HECW2: variants seen among roughly 807,000 people sequenced by gnomAD.
The protein encoded by HECW2 is E3 ubiquitin-protein ligase HECW2.
Under a neutral mutation model 175.2 loss-of-function variants are expected in HECW2, and 61 were observed. The observed-to-expected ratio is 0.35, with a 90% CI of 0.28 to 0.43. The LOEUF is 0.43. Ranked by LOEUF, HECW2 falls within the 20% of genes least tolerant of loss-of-function variation. The pLI, the probability that HECW2 is intolerant of heterozygous loss-of-function variation, is 1.00. For missense variants in HECW2, 1,524 were observed against 2,000.5 expected, an observed-to-expected ratio of 0.76 and a Z score of 4.54; for synonymous variants, 671 against 731.0, an observed-to-expected ratio of 0.92 and a Z score of 1.32.
At chr2:196,498,687 T>C (rs1472370718) in intron 1 of HECW2, among the ~76,000 whole-genome samples, 1 of 152,212 alleles carries the variant, frequency 6.6e-6, no homozygotes, top group Non-Finnish European at 1.5e-5. Flanking sequence ...AGGGTTAGTT[T>C]ACGGTAGAGG....
rs1692511695 is a variant in HECW2 at position 196,335,290 on chromosome 2, A to G, written c.401-772T>C. On this transcript the variant is annotated intron_variant, in intron 3 of 28. Transcript: ENST00000644978. ...TTATGGTTTTTGGAAAGTAACTACA[A>G]TTCCAAAGCACGAAACCAAACTGTG... Among the ~76,000 whole-genome samples, 11 of 152,320 alleles carry G rather than the reference A, an allele frequency of 7.2e-5. 1 individual carries two copies. Among genetic ancestry groups the G allele is most frequent in the Admixed American group, 7.2e-4 (11 of 15,296 alleles).
chr2:196,240,706 A>G (rs1322639898), intron 20 of HECW2, 144 bp from the exon 21 acceptor site: 11 of 824,852 alleles, frequency 1.3e-5, no homozygotes, highest in Non-Finnish European at 1.9e-5. Flanking sequence ...TCTGCAATAA[A>G]GTACACATTT....
chr2:196,548,663 G>C (rs908773047), intron 1 of HECW2, among the ~76,000 whole-genome samples: 1 of 152,130 alleles, frequency 6.6e-6, no homozygotes, highest in African/African-American at 2.4e-5. Context: ...TACTTTACTG[G>C]GACTGCCATA....
At chr2:196,535,878 G>T (rs1008893526) in intron 1 of HECW2, among the ~76,000 whole-genome samples, 2 of 152,054 alleles carry the variant, frequency 1.3e-5, no homozygotes, top group African/African-American at 4.8e-5. Context: ...TGCCTGAGAT[G>T]TCATCAATTA....
At chr2:196,373,043 T>G (rs940465497) in intron 2 of HECW2, among the ~76,000 whole-genome samples, 10 of 152,210 alleles carry the variant, frequency 6.6e-5, no homozygotes, top group Admixed American at 5.9e-4. Context: ...GAGTCCACGC[T>G]TGCTGCAGTA....
intron 1 of HECW2, among the ~76,000 whole-genome samples, chr2:196,565,478 G>T (rs889089385): frequency 6.6e-6 from 1 of 152,118 alleles, no homozygotes; most frequent in Non-Finnish European, 1.5e-5. Flanking sequence ...TGAAAGTGGG[G>T]AATAGATGAA....
chr2:196,390,798 A>C (rs1221676046), intron 2 of HECW2, among the ~76,000 whole-genome samples: 1 of 152,222 alleles, frequency 6.6e-6, no homozygotes, highest in Admixed American at 6.6e-5. Context: ...GTAGATTAAG[A>C]CATCACAACA....
chr2:196,378,061 C>G (rs1694100958), intron 2 of HECW2, among the ~76,000 whole-genome samples: 1 of 152,204 alleles, frequency 6.6e-6, no homozygotes, highest in Non-Finnish European at 1.5e-5. Context: ...AAAATCACAA[C>G]TGTCTCCTCT....
chr2:196,474,006 A>G (rs1208550947), intron 1 of HECW2, among the ~76,000 whole-genome samples: 1 of 152,254 alleles, frequency 6.6e-6, no homozygotes, highest in Non-Finnish European at 1.5e-5. Flanking sequence ...GCAGAAAAGA[A>G]AACTCTGTTT....
rs1191384862 is a variant in HECW2 at position 196,302,401 on chromosome 2, TC to T, written c.2814+4086del. ...TTAGGATTGTCTTGACTATTCAGGC[TC>T]TTTTTTGGTTCTATATGAATTTTAA... On this transcript the variant is annotated intron_variant, in intron 13 of 28. Transcript: ENST00000644978. 7.2e-5 allele frequency among the ~76,000 whole-genome samples: 11 copies of T among 152,338 alleles called. No individual in the cohort carries two copies. The East Asian group carries it at 2.1e-3, about 29-fold the overall frequency.
chr2:196,468,762 A>C (rs774568386), intron 1 of HECW2, among the ~76,000 whole-genome samples: 1 of 152,186 alleles, frequency 6.6e-6, no homozygotes, highest in Non-Finnish European at 1.5e-5. Context: ...GATCTGTAAG[A>C]AGGGACTTGG....
intron 28 of HECW2, among the ~76,000 whole-genome samples, chr2:196,203,187 G>A (rs188025326): frequency 1.3e-5 from 2 of 152,258 alleles, no homozygotes; most frequent in Non-Finnish European, 2.9e-5. Context: ...CCCACTCCTA[G>A]TACTGTAAAC....
chr2:196,252,609 T>C (rs1688901199), intron 19 of HECW2, among the ~76,000 whole-genome samples: 1 of 152,192 alleles, frequency 6.6e-6, no homozygotes, highest in African/African-American at 2.4e-5. Flanking sequence ...CCTTCTGACA[T>C]GAGTAGAAGT....
intron 1 of HECW2, among the ~76,000 whole-genome samples, chr2:196,458,551 A>G (rs144046481): frequency 5.3e-5 from 8 of 152,264 alleles, no homozygotes; most frequent in African/African-American, 9.6e-5. Flanking sequence ...CCAGATGGAA[A>G]ACTGTGAAAC....
chr2:196,492,299 G>A (rs1575602831), intron 1 of HECW2, among the ~76,000 whole-genome samples: 1 of 152,080 alleles, frequency 6.6e-6, no homozygotes, highest in South Asian at 2.1e-4. Flanking sequence ...AGCCTGGACC[G>A]TCATCCAGAC....
At chr2:196,325,198 G>T in intron 5 of HECW2, 49 bp from the exon 6 acceptor site, 2 of 1,411,628 alleles carry the variant, frequency 1.4e-6, no homozygotes, top group Non-Finnish European at 1.9e-6. Context: ...AAAGCAGGAG[G>T]GAGGGAGGAA....
At chr2:196,384,498 C>T (rs1336203604) in intron 2 of HECW2, among the ~76,000 whole-genome samples, 3 of 152,120 alleles carry the variant, frequency 2.0e-5, no homozygotes, top group Non-Finnish European at 4.4e-5. Flanking sequence ...GGGAGGATCA[C>T]TTGAGCCCGG....
At chr2:196,208,781 G>C (rs930519151) in intron 28 of HECW2, among the ~76,000 whole-genome samples, 1 of 152,236 alleles carries the variant, frequency 6.6e-6, no homozygotes, top group African/African-American at 2.4e-5. Context: ...CATGGGTTGG[G>C]GGAGAGGGTA....
chr2:196,302,316 GAAATT>G (rs1691094453), intron 13 of HECW2, among the ~76,000 whole-genome samples: 1 of 152,098 alleles, frequency 6.6e-6, no homozygotes, highest in Admixed American at 6.5e-5. Flanking sequence ...AGTATAGTTA[GAAATT>G]ACTAGTATAG....
Sources: gnomAD v4.1 joint callset for allele counts (sites outside exome capture counted in the v4.1 genomes callset) on GRCh38, gnomAD v4.1.1 for gene constraint, MANE v1.5 for transcripts, NCBI Gene and HGNC (gene_info 2026-07-23, HGNC 2026-07-21) for gene names.